Variants in CADM2 observed in about 807,000 individuals in gnomAD.
CADM2 encodes immunoglobulin superfamily member 4D.
Under a neutral mutation model 49.8 loss-of-function variants are expected in CADM2, and 12 were observed. That is an observed-to-expected ratio of 0.24 (90% CI 0.15 to 0.39). CADM2 has a LOEUF of 0.39. CADM2 is among the 10% of genes least tolerant of loss of function. The pLI is 1.00. For missense variants in CADM2, 378 were observed against 492.3 expected (o/e 0.77, Z 2.20); for synonymous variants, 214 against 175.4 (o/e 1.22, Z -1.74).
At chr3:85,810,392 A>G (rs2072778958) in intron 3 of CADM2, among the ~76,000 whole-genome samples, 1 of 152,172 alleles carries the variant, frequency 6.6e-6, no homozygotes, top group Non-Finnish European at 1.5e-5. Context: ...AGAGATTTCT[A>G]CATACCCAAT....
At chr3:85,318,701 A>G (rs113048777) in intron 1 of CADM2, among the ~76,000 whole-genome samples, 4 of 152,208 alleles carry the variant, frequency 2.6e-5, no homozygotes, top group African/African-American at 9.6e-5. Flanking sequence ...TTGCTTTATT[A>G]GAATTTTAAA....
intron 1 of CADM2, among the ~76,000 whole-genome samples, chr3:85,640,003 TC>T (rs529691884): frequency 3.3e-4 from 50 of 152,212 alleles, no homozygotes; most frequent in Non-Finnish European, 6.0e-4. Context: ...ACCATTTTTT[TC>T]CTTCATCACT....
At chr3:85,458,784 C>CAA (rs202138744) in intron 1 of CADM2, among the ~76,000 whole-genome samples, 2 of 150,760 alleles carry the variant, frequency 1.3e-5, no homozygotes, top group Non-Finnish European at 3.0e-5. Context: ...TACAAAAAGA[C>CAA]AAAAAAAATC....
chr3:85,335,614 A>G (rs2045059495), intron 1 of CADM2, among the ~76,000 whole-genome samples: 1 of 151,398 alleles, frequency 6.6e-6, no homozygotes, highest in African/African-American at 2.4e-5. Context: ...GAAATATACA[A>G]TATGTTATTG....
intron 8 of CADM2, among the ~76,000 whole-genome samples, chr3:85,980,126 G>C (rs1019824292): frequency 2.6e-5 from 4 of 151,276 alleles, no homozygotes; most frequent in Non-Finnish European, 5.9e-5. Context: ...AGAATTTGTC[G>C]TATTTAAGTC....
At chr3:85,076,769 C>T (rs2036960785) in intron 1 of CADM2, among the ~76,000 whole-genome samples, 2 of 151,918 alleles carry the variant, frequency 1.3e-5, no homozygotes, top group African/African-American at 2.4e-5. Flanking sequence ...GTCAGGAGTT[C>T]GAGACCAGCC....
rs1177019446 is a variant in CADM2 at position 86,071,253 on chromosome 3, A to C, written c.*4470A>C. On this transcript the variant is annotated 3_prime_UTR_variant, in exon 10 of 10. Transcript: ENST00000383699. ...ACAAATGTATTCAATGAAAGAACAT[A>C]GGGTAGTTTTAATAGTTAAAGTCAC... is the stretch of plus-strand genomic sequence containing the variant. The C allele has an allele frequency of 2.6e-5, 4 of 152,052 alleles. No individual in the cohort carries two copies. In the East Asian group the frequency reaches 7.7e-4, roughly 29 times the overall value. 9.4% of individuals were successfully genotyped at this position (152,052 alleles called of 1,614,324 possible). A position where few individuals can be genotyped will look rare whatever the true frequency, so the allele number is the denominator to read the frequency against.
intron 1 of CADM2, among the ~76,000 whole-genome samples, chr3:85,037,175 AAAAC>A (rs946846560): frequency 8.5e-5 from 13 of 152,246 alleles, no homozygotes; most frequent in African/African-American, 2.6e-4. Flanking sequence ...ATCTCTAAAA[AAAAC>A]AAACAAACAA....
chr3:85,894,066 T>C (rs1422008735), intron 5 of CADM2, among the ~76,000 whole-genome samples: 4 of 152,200 alleles, frequency 2.6e-5, no homozygotes. Flanking sequence ...ATTGCGGCAC[T>C]ATTCACGATA....
At chr3:85,810,364 A>G (rs1280872849) in intron 3 of CADM2, among the ~76,000 whole-genome samples, 1 of 152,102 alleles carries the variant, frequency 6.6e-6, no homozygotes, top group Non-Finnish European at 1.5e-5. Flanking sequence ...GAAAGAGTAT[A>G]GCATATCATG....
chr3:85,934,984 C>T (rs562501438), intron 6 of CADM2, among the ~76,000 whole-genome samples: 21 of 152,026 alleles, frequency 1.4e-4, no homozygotes, highest in Admixed American at 3.3e-4. Flanking sequence ...GTGTTAATAT[C>T]GTCTCTTTTT....
intron 1 of CADM2, among the ~76,000 whole-genome samples, chr3:85,034,790 C>A (rs1276902699): frequency 4.8e-5 from 4 of 84,098 alleles, no homozygotes; most frequent in Admixed American, 1.6e-4. Context: ...AGACATTTTG[C>A]TTTTTTTTTT....
chr3:85,093,187 T>C (rs911499350), intron 1 of CADM2, among the ~76,000 whole-genome samples: 1 of 152,134 alleles, frequency 6.6e-6, no homozygotes. Context: ...TGACACAAAA[T>C]ATAATTTCAT....
chr3:84,982,519 T>G (rs1351715679), intron 1 of CADM2, among the ~76,000 whole-genome samples: 2 of 151,502 alleles, frequency 1.3e-5, no homozygotes, highest in African/African-American at 4.8e-5. Flanking sequence ...ATACACAATT[T>G]TCTTTACAAT....
chr3:85,909,842 A>T (rs1717322852), intron 5 of CADM2, among the ~76,000 whole-genome samples: 1 of 152,194 alleles, frequency 6.6e-6, no homozygotes, highest in African/African-American at 2.4e-5. Flanking sequence ...AAAAATACAG[A>T]AAGGGAAAGC....
chr3:85,930,320 A>G (rs535396571), intron 6 of CADM2, among the ~76,000 whole-genome samples: 12 of 152,172 alleles, frequency 7.9e-5, no homozygotes, highest in Non-Finnish European at 1.2e-4. Context: ...AAAACTTTCT[A>G]TGGGTACATA....
intron 2 of CADM2, among the ~76,000 whole-genome samples, chr3:85,799,462 T>C (rs1262916526): frequency 2.6e-5 from 4 of 152,202 alleles, no homozygotes; most frequent in African/African-American, 9.6e-5. Flanking sequence ...CCTAGTTTAT[T>C]GAGTGTTTTT....
At chr3:85,717,221 A>G (rs1230674704) in intron 1 of CADM2, among the ~76,000 whole-genome samples, 5 of 150,142 alleles carry the variant, frequency 3.3e-5, no homozygotes, top group African/African-American at 9.7e-5. Flanking sequence ...CATCCCTTGT[A>G]AGTTGTGTTC....
At chr3:85,464,029 T>C (rs1464554714) in intron 1 of CADM2, among the ~76,000 whole-genome samples, 1 of 152,178 alleles carries the variant, frequency 6.6e-6, no homozygotes, top group Non-Finnish European at 1.5e-5. Context: ...TATGTAATTC[T>C]CTCCATGATG....
Sources: gnomAD v4.1 joint callset for allele counts (sites outside exome capture counted in the v4.1 genomes callset) on GRCh38, gnomAD v4.1.1 for gene constraint, MANE v1.5 for transcripts, NCBI Gene and HGNC (gene_info 2026-07-23, HGNC 2026-07-21) for gene names.